The following DIP2C variants were observed in gnomAD, a reference collection of about 807,000 sequenced individuals.
DIP2C encodes DIP2 acetate--CoA ligase C (putative), also known as disco-interacting protein 2 homolog C.
Under a neutral mutation model 192.4 loss-of-function variants are expected in DIP2C, and 33 were observed. That is an observed-to-expected ratio of 0.17 (90% CI 0.13 to 0.23). The LOEUF is 0.23. DIP2C is among the 10% of genes least tolerant of loss of function. DIP2C has a pLI of 1.00. For synonymous variants in DIP2C, 979 were observed against 864.1 expected, an observed-to-expected ratio of 1.13 and a Z score of -2.33; for missense variants, 1,537 against 2,110.1, an observed-to-expected ratio of 0.73 and a Z score of 5.32.
intron 17 of DIP2C, among the ~76,000 whole-genome samples, chr10:376,636 G>A (rs1255693140): frequency 6.6e-6 from 1 of 150,472 alleles, no homozygotes; most frequent in African/African-American, 2.5e-5. Context: ...TCTTTTAGAT[G>A]GACGTAAATC....
chr10:664,736 T>A (rs1463806277), intron 1 of DIP2C: 3 of 152,216 alleles, frequency 2.0e-5, no homozygotes, highest in Admixed American at 6.5e-5. Context: ...TTTTGATATT[T>A]TAAAATGTTA....
chr10:620,875 G>A (rs1229846158), intron 1 of DIP2C, among the ~76,000 whole-genome samples: 1 of 152,214 alleles, frequency 6.6e-6, no homozygotes, highest in Non-Finnish European at 1.5e-5. Flanking sequence ...ATTTTAATTG[G>A]TGTGAATTTT....
chr10:495,205 G>A (rs1195886062), intron 1 of DIP2C, among the ~76,000 whole-genome samples: 3 of 152,184 alleles, frequency 2.0e-5, no homozygotes, highest in Admixed American at 6.5e-5. Flanking sequence ...GTGGAATAGG[G>A]GTTAGCAGGG....
rs530536640 is a variant in DIP2C at position 598,497 on chromosome 10, C to A, written c.85+90997G>T. ...AAGTCAGTCTCAGTCCGAGGCCTCG[C>A]GACAGGGGTAGGGGAGCATCATGGG... On this transcript the variant is annotated intron_variant, in intron 1 of 36. Coordinates refer to ENST00000280886, the MANE Select transcript of DIP2C (RefSeq NM_014974.3). Among the ~76,000 whole-genome samples the A allele has an allele frequency of 4.6e-5, 7 of 152,276 alleles. No individual in the cohort carries two copies. In the South Asian group the frequency reaches 1.2e-3, roughly 27 times the overall value.
chr10:357,691 T>TGCGGACAGTCAGACACTGTC lies in DIP2C; in HGVS notation c.2904+117_2904+136dup, dbSNP rs902215374. ...AAAGTCGGGGACTGTCGGGGACGGTTGCGGACAGTCAGACACTGTCGCGGA... is the reference window on the plus strand; with the variant it reads ...AAAGTCGGGGACTGTCGGGGACGGTTGCGGACAGTCAGACACTGTCGCGGACAGTCAGACACTGTCGCGGA... On this transcript the variant is annotated intron_variant, in intron 23 of 36. Coordinates refer to ENST00000280886, the MANE Select transcript of DIP2C (RefSeq NM_014974.3). 42 of 620,724 alleles carry TGCGGACAGTCAGACACTGTC rather than the reference T, an allele frequency of 6.8e-5. No individual in the cohort carries two copies. The East Asian group carries it at 1.0e-3, about 15-fold the overall frequency. 38.5% of individuals were successfully genotyped at this position (620,724 alleles called of 1,614,324 possible). A position where few individuals can be genotyped will look rare whatever the true frequency, so the allele number is the denominator to read the frequency against.
chr10:450,400 G>T (rs901699434), intron 3 of DIP2C, among the ~76,000 whole-genome samples: 1 of 152,186 alleles, frequency 6.6e-6, no homozygotes, highest in Admixed American at 6.5e-5. Flanking sequence ...CAATTACAAT[G>T]GCTCAACTGT....
At chr10:417,605 C>T (rs1220322192) in intron 6 of DIP2C, among the ~76,000 whole-genome samples, 3 of 150,214 alleles carry the variant, frequency 2.0e-5, no homozygotes, top group Non-Finnish European at 4.4e-5. Context: ...CTAGGATAGG[C>T]ATCCCTGTCT....
chr10:643,363 A>C (rs1333223906), intron 1 of DIP2C, among the ~76,000 whole-genome samples: 1 of 151,990 alleles, frequency 6.6e-6, no homozygotes, highest in Non-Finnish European at 1.5e-5. Context: ...AATACAAAAA[A>C]ATTAGCCAGG....
chr10:335,074 C>T (rs550935464), intron 29 of DIP2C, among the ~76,000 whole-genome samples: 2 of 152,280 alleles, frequency 1.3e-5, no homozygotes, highest in East Asian at 3.9e-4. Context: ...TACATGAATA[C>T]AGGCTATCTG....
chr10:345,534 C>T lies in DIP2C; in HGVS notation c.3232-424G>A, dbSNP rs58522304. 1.7e-3 allele frequency among the ~76,000 whole-genome samples: 106 copies of T among 63,914 alleles called. 1 individual carries two copies. Among genetic ancestry groups the T allele is most frequent in the Non-Finnish European group, 2.5e-3 (74 of 29,636 alleles). 41.9% of individuals were successfully genotyped at this position (63,914 alleles called of 152,430 possible). On this transcript the variant is annotated intron_variant, in intron 26 of 36. Transcript: ENST00000280886. Reference sequence around the variant, plus strand: ...CCACAAACACCCATCCCAGACACACCGCGCATAGTTCTCCCGGAAACCCCC... The same window carrying T: ...CCACAAACACCCATCCCAGACACACTGCGCATAGTTCTCCCGGAAACCCCC...
At chr10:542,076 ACT>A (rs973028843) in intron 1 of DIP2C, among the ~76,000 whole-genome samples, 1 of 151,704 alleles carries the variant, frequency 6.6e-6, no homozygotes, top group African/African-American at 2.4e-5. Context: ...AACTGACTGC[ACT>A]CTCAGAAAAG....
rs117201422 is a variant in DIP2C, at chr10:511,718, C to G, written c.86-25188G>C. ...ACCTCAACAATGAAGGGTGGCGGCT[C>G]CGAGCTCTCTTCACAGGGAGCACCG... On this transcript the variant is annotated intron_variant, in intron 1 of 36. Coordinates refer to ENST00000280886, the MANE Select transcript of DIP2C (RefSeq NM_014974.3). Among the ~76,000 whole-genome samples the G allele has an allele frequency of 6.0e-4, 92 of 152,254 alleles. 1 individual carries two copies. The East Asian group carries it at 0.016, about 27-fold the overall frequency.
chr10:307,625 G>A lies in DIP2C; in HGVS notation c.3986+2406C>T. ...AAGGGAGAAGGGGCCCAGCCAGACG[G>A]AGGGGACCACAGACAGACCTGGTTA... On this transcript the variant is annotated intron_variant, in intron 32 of 36. Transcript: ENST00000280886. Among the ~76,000 whole-genome samples, 2 of 152,110 alleles carry A rather than the reference G, an allele frequency of 1.3e-5. 1 individual carries two copies. The highest frequency in any genetic ancestry group is 1.3e-4 in the Admixed American group (2 of 15,286).
Position 329,442 on chromosome 10 carries a change from C to T in DIP2C, c.3744G>A (p.Glu1248=), listed in dbSNP as rs1363708969. The T allele has an allele frequency of 3.1e-6, 5 of 1,613,376 alleles. No individual in the cohort carries two copies. Among genetic ancestry groups the T allele is most frequent in the Middle Eastern group, 1.7e-4 (1 of 6,054 alleles). ...LCTKGLGSQT[E]SLKARGLDLS... ...CAAGGGAGCTGCTTACCTTGAGGGA[C>T]TCTGTTTGCGAGCCCAGCCCCTTGG... The change falls in exon 30 of 37, where the codon GAG becomes GAA. Residue 1248 remains glutamate, a synonymous_variant. Transcript: ENST00000280886.
intron 3 of DIP2C, among the ~76,000 whole-genome samples, chr10:446,015 A>G (rs932984012): frequency 8.8e-6 from 1 of 113,796 alleles, no homozygotes; most frequent in Non-Finnish European, 1.6e-5. Context: ...TGAAGAGTCT[A>G]TCTTGCACTG....
At chr10:428,836 T>C (rs1369210460) in intron 4 of DIP2C, among the ~76,000 whole-genome samples, 1 of 152,156 alleles carries the variant, frequency 6.6e-6, no homozygotes, top group Non-Finnish European at 1.5e-5. Flanking sequence ...TTTGGTTAAT[T>C]TCTTTTCATC....
intron 36 of DIP2C, among the ~76,000 whole-genome samples, chr10:280,583 C>T (rs923423934): frequency 5.3e-5 from 8 of 152,316 alleles, no homozygotes; most frequent in East Asian, 1.9e-4. Context: ...GCTGAATCTC[C>T]GGCAGCACCA....
intron 4 of DIP2C, among the ~76,000 whole-genome samples, chr10:436,345 G>A (rs370496248): frequency 5.9e-5 from 9 of 152,258 alleles, no homozygotes; most frequent in South Asian, 2.1e-4. Context: ...AGCAGGCAGC[G>A]CAGGCACTGC....
At chr10:313,352 T>G (rs1204009447) in intron 31 of DIP2C, among the ~76,000 whole-genome samples, 1 of 152,158 alleles carries the variant, frequency 6.6e-6, no homozygotes, top group South Asian at 2.1e-4. Context: ...CCAAGTTATA[T>G]GAACGAGAAA....
Sources: gnomAD v4.1 joint callset for allele counts (sites outside exome capture counted in the v4.1 genomes callset) on GRCh38, gnomAD v4.1.1 for gene constraint, MANE v1.5 for transcripts, NCBI Gene and HGNC (gene_info 2026-07-23, HGNC 2026-07-21) for gene names.